The following CSMD2 variants were observed in gnomAD, a reference collection of about 807,000 sequenced individuals.
CSMD2 encodes the protein CUB and Sushi multiple domains 2.
Under a neutral mutation model 398.5 loss-of-function variants are expected in CSMD2, and 130 were observed. The observed-to-expected ratio is 0.33, with a 90% confidence interval of 0.28 to 0.38. CSMD2 has a LOEUF of 0.38. Ranked by LOEUF, CSMD2 falls within the 10% of genes least tolerant of loss-of-function variation. The probability of loss-of-function intolerance (pLI) is 1.00; values close to 1 mark genes in which losing one functional copy is unlikely to be tolerated. For missense variants in CSMD2, 3,829 were observed against 4,764.9 expected (o/e 0.80, Z 5.78); for synonymous variants, 1,828 against 1,908.5 (o/e 0.96, Z 1.10).
intron 2 of CSMD2, among the ~76,000 whole-genome samples, chr1:34,056,161 T>G (rs1371900196): frequency 1.3e-5 from 2 of 152,206 alleles, no homozygotes; most frequent in African/African-American, 4.8e-5. Context: ...CCTACTCCAT[T>G]TATCCCCTGC....
At chr1:33,869,370 A>G (rs1265068426) in intron 5 of CSMD2, 1 of 152,210 alleles carries the variant, frequency 6.6e-6, no homozygotes, top group Non-Finnish European at 1.5e-5. Context: ...GCTAAAAACC[A>G]AATGTGGGAA....
At chr1:33,997,256 T>C (rs923465055) in intron 3 of CSMD2, among the ~76,000 whole-genome samples, 26 of 152,120 alleles carry the variant, frequency 1.7e-4, no homozygotes, top group Admixed American at 6.5e-4. Context: ...ATGTGGCAGA[T>C]TTGGCCCCAG....
chr1:34,068,207 A>T (rs891677090), intron 2 of CSMD2, among the ~76,000 whole-genome samples: 1 of 152,192 alleles, frequency 6.6e-6, no homozygotes, highest in Non-Finnish European at 1.5e-5. Context: ...GAACAGCCTG[A>T]AGTCCTCAAG....
chr1:33,930,351 C>G (rs1212161099), intron 4 of CSMD2, among the ~76,000 whole-genome samples: 1 of 152,204 alleles, frequency 6.6e-6, no homozygotes, highest in African/African-American at 2.4e-5. Flanking sequence ...CCAGGCCAGT[C>G]TGACTCTATG....
At chr1:33,859,496 C>T (rs1639333262) in intron 5 of CSMD2, among the ~76,000 whole-genome samples, 1 of 152,194 alleles carries the variant, frequency 6.6e-6, no homozygotes, top group African/African-American at 2.4e-5. Context: ...GGATCATCTC[C>T]CTAGCTCTAA....
In CSMD2 at chr1:33,678,554, G is replaced by A. The variant is rs901587118; in HGVS notation, c.4052+14376C>T. ...ATGTGAATGAACAGCTGCTGCAGGG[G>A]GAAGGGGGTCAGAAATCACTCCTGT... On this transcript the variant is annotated intron_variant, in intron 25 of 70. Transcript: ENST00000373381. Among the ~76,000 whole-genome samples the A allele has an allele frequency of 7.9e-5, 12 of 152,256 alleles. No homozygotes were observed. In the East Asian group the frequency reaches 2.3e-3, roughly 29 times the overall value.
intron 3 of CSMD2, among the ~76,000 whole-genome samples, chr1:33,956,584 G>C (rs1461988162): frequency 2.6e-5 from 4 of 152,088 alleles, no homozygotes; most frequent in South Asian, 2.1e-4. Flanking sequence ...CTACCCTCTT[G>C]CTCAGACCAA....
intron 5 of CSMD2, among the ~76,000 whole-genome samples, chr1:33,861,880 A>G (rs1639542257): frequency 6.6e-6 from 1 of 152,174 alleles, no homozygotes; most frequent in Non-Finnish European, 1.5e-5. Context: ...AACCAGCTCC[A>G]AGTGACCCTG....
chr1:33,749,397 C>A (rs1180473191), intron 13 of CSMD2, among the ~76,000 whole-genome samples: 2 of 152,050 alleles, frequency 1.3e-5, no homozygotes, highest in Non-Finnish European at 2.9e-5. Context: ...CTGCGCCCAG[C>A]CAATACAGAC....
intron 68 of CSMD2, among the ~76,000 whole-genome samples, chr1:33,520,428 A>C (rs1366145308): frequency 6.6e-6 from 1 of 152,064 alleles, no homozygotes; most frequent in African/African-American, 2.4e-5. Context: ...GGGAAGGCTC[A>C]GAAGAACACA....
At chr1:34,082,238 G>A (rs1225513341) in intron 2 of CSMD2, among the ~76,000 whole-genome samples, 6 of 146,670 alleles carry the variant, frequency 4.1e-5, no homozygotes, top group South Asian at 4.4e-4. Flanking sequence ...GCCTCTGCCC[G>A]GCCGCGACCC....
In CSMD2 at chr1:33,690,625, T is replaced by C. The variant is rs76323048; in HGVS notation, c.4052+2305A>G. On this transcript the variant is annotated intron_variant, in intron 25 of 70. Transcript: ENST00000373381. ...AAGAAAGTGGGAAAACCTCTTGATT[T>C]GCACATGTGTATACTAAAGTGAAAT... 2.7e-3 allele frequency among the ~76,000 whole-genome samples: 409 copies of C among 152,346 alleles called. 13 individuals are homozygous for C. In the East Asian group the frequency reaches 0.064, roughly 24 times the overall value.
chr1:33,677,050 G>A (rs1053562654), intron 25 of CSMD2, among the ~76,000 whole-genome samples: 5 of 152,154 alleles, frequency 3.3e-5, no homozygotes, highest in Non-Finnish European at 7.3e-5. Context: ...ATAGGCATGG[G>A]CAAGGACTTC....
At chr1:34,040,222 A>G (rs1651689932) in intron 2 of CSMD2, among the ~76,000 whole-genome samples, 1 of 151,814 alleles carries the variant, frequency 6.6e-6, no homozygotes, top group Admixed American at 6.6e-5. Flanking sequence ...AAAAAATAAT[A>G]AAAGACTTAG....
chr1:33,711,573 C>T (rs1319453112), intron 21 of CSMD2, among the ~76,000 whole-genome samples: 1 of 152,172 alleles, frequency 6.6e-6, no homozygotes, highest in Non-Finnish European at 1.5e-5. Context: ...ACCCTAACTG[C>T]CTGGATTCTG....
intron 14 of CSMD2, among the ~76,000 whole-genome samples, chr1:33,740,156 C>A (rs1195196607): frequency 1.3e-5 from 2 of 152,174 alleles, no homozygotes; most frequent in African/African-American, 4.8e-5. Context: ...TAAGTGCTCA[C>A]TGAAGATGAG....
intron 19 of CSMD2, among the ~76,000 whole-genome samples, chr1:33,720,448 G>A (rs1646323057): frequency 6.6e-6 from 1 of 152,154 alleles, no homozygotes; most frequent in Admixed American, 6.5e-5. Flanking sequence ...TAGAGGAAGG[G>A]GATTCAGAAG....
intron 1 of CSMD2, among the ~76,000 whole-genome samples, chr1:34,110,997 T>C (rs1186462981): frequency 1.3e-5 from 2 of 152,222 alleles, no homozygotes; most frequent in Non-Finnish European, 2.9e-5. Context: ...TTTTCTTATT[T>C]CAATAGCATG....
intron 25 of CSMD2, among the ~76,000 whole-genome samples, chr1:33,670,840 A>C (rs188023207): frequency 2.8e-4 from 43 of 152,332 alleles, no homozygotes; most frequent in African/African-American, 1.0e-3. Flanking sequence ...CAGTAAAGGT[A>C]TGTACGGAGA....
Sources: allele counts gnomAD v4.1 joint callset (sites outside exome capture counted in the v4.1 genomes callset), GRCh38; gene constraint gnomAD v4.1.1; transcripts MANE v1.5; gene names NCBI Gene and HGNC (gene_info 2026-07-23, HGNC 2026-07-21).